Variants in NF1 observed in about 807,000 individuals in gnomAD.
The protein encoded by NF1 is neurofibromin 1.
A neutral mutation model predicts 325.7 loss-of-function variants in NF1; 122 were observed. The observed-to-expected ratio is 0.37, with a 90% confidence interval of 0.32 to 0.44. The LOEUF is 0.44. Ranked by LOEUF, NF1 falls within the 20% of genes least tolerant of loss-of-function variation. NF1 has a pLI of 1.00. For missense variants in NF1, 2,140 were observed against 3,415.4 expected (o/e 0.63, Z 9.31); for synonymous variants, 1,091 against 1,186.0 (o/e 0.92, Z 1.65).
In NF1 at chr17:31,095,199, C is replaced by T. The variant is rs1385975552; in HGVS notation, c.-111C>T. On this transcript the variant is annotated 5_prime_UTR_variant, in exon 1 of 58. Coordinates refer to ENST00000358273, the MANE Select transcript of NF1 (RefSeq NM_001042492.3). ...GGGAACACTGGGAGCCTGCACTCCA[C>T]AGACCCTCTCCTTGCCTCTTCCCTC... 3.0e-6 allele frequency: 3 copies of T among 1,007,208 alleles called. No homozygotes were observed. The highest frequency in any genetic ancestry group is 3.0e-6 in the Non-Finnish European group (2 of 665,940). 62.4% of individuals were successfully genotyped at this position (1,007,208 alleles called of 1,614,324 possible).
At chr17:31,283,649 T>C (rs902128953) in intron 36 of NF1, among the ~76,000 whole-genome samples, 1 of 151,942 alleles carries the variant, frequency 6.6e-6, no homozygotes, top group Non-Finnish European at 1.5e-5. Context: ...AGAAACACCA[T>C]GTCTAGCTGA....
In NF1 at chr17:31,357,295, T is replaced by C. The variant is rs1277560744; in HGVS notation, c.7896T>C (p.Asp2632=). The change falls in exon 54 of 58, where the codon GAT becomes GAC. Residue 2632 remains aspartate, a synonymous_variant. Coordinates refer to ENST00000358273, the MANE Select transcript of NF1 (RefSeq NM_001042492.3). ...VLATLVKYTT[D]EFDQRILYEY... is the part of the protein sequence containing the mutation. ...CTACACTGGTAAAATATACCACAGA[T>C]GAGTTTGATCAACGAATTCTTTATG... 6.2e-7 allele frequency: 1 copy of C among 1,614,058 alleles called. No homozygotes were observed.
chr17:31,171,279 A>G (rs1018484275), intron 5 of NF1, among the ~76,000 whole-genome samples: 11 of 152,328 alleles, frequency 7.2e-5, no homozygotes, highest in African/African-American at 1.7e-4. Context: ...GTGGACAGCA[A>G]TTATTTTAGA....
intron 36 of NF1, among the ~76,000 whole-genome samples, chr17:31,278,972 C>G (rs2068067152): frequency 6.6e-6 from 1 of 152,174 alleles, no homozygotes; most frequent in Non-Finnish European, 1.5e-5. Context: ...GCTTCAGTGG[C>G]TCATGCCTAT....
chr17:31,125,694 C>T (rs1312828088), intron 1 of NF1, among the ~76,000 whole-genome samples: 1 of 151,826 alleles, frequency 6.6e-6, no homozygotes, highest in Non-Finnish European at 1.5e-5. Context: ...GAGCACCATG[C>T]CCAGCTAATT....
chr17:31,218,129 A>G (rs189697706), intron 13 of NF1, among the ~76,000 whole-genome samples: 106 of 152,320 alleles, frequency 7.0e-4, no homozygotes, highest in Non-Finnish European at 4.3e-4. Context: ...AGAGGGCTGT[A>G]CAGGATAATC....
intron 36 of NF1, chr17:31,299,552 G>T (rs907087983): frequency 6.6e-6 from 1 of 151,948 alleles, no homozygotes; most frequent in African/African-American, 2.4e-5. Context: ...CAAAGCATCT[G>T]CCAAGGAATA....
Position 31,260,566 on chromosome 17 carries a change from A to G in NF1, c.4577+51A>G, listed in dbSNP as rs368218046. ...GTGAACACTCTCCGTTTAAATTTAGATTAATACAATTATTGGTCATGAATA... is the reference window on the plus strand; with the variant it reads ...GTGAACACTCTCCGTTTAAATTTAGGTTAATACAATTATTGGTCATGAATA... On this transcript the variant is annotated intron_variant, in intron 34 of 57. Transcript: ENST00000358273. 6 of 1,591,234 alleles carry G rather than the reference A, an allele frequency of 3.8e-6. No homozygotes were observed. The African/African-American group carries it at 5.4e-5, about 14-fold the overall frequency.
intron 29 of NF1, among the ~76,000 whole-genome samples, chr17:31,243,184 CTGTGTG>C (rs377472053): frequency 7.3e-6 from 1 of 137,558 alleles, no homozygotes; most frequent in Non-Finnish European, 1.5e-5. Context: ...CTCTCTCTGT[CTGTGTG>C]TGTGTGTGTG....
intron 3 of NF1, among the ~76,000 whole-genome samples, chr17:31,159,992 A>G (rs1279529900): frequency 6.6e-6 from 1 of 152,170 alleles, no homozygotes; most frequent in African/African-American, 2.4e-5. Flanking sequence ...GTGTTGGTGG[A>G]AGCATTGGGG....
chr17:31,130,735 G>A (rs1418437640), intron 1 of NF1, among the ~76,000 whole-genome samples: 5 of 152,208 alleles, frequency 3.3e-5, no homozygotes, highest in Non-Finnish European at 7.4e-5. Flanking sequence ...GCTGGCTGCA[G>A]TGGCATGGGA....
chr17:31,318,304 T>A (rs2069077635), intron 36 of NF1: 2 of 1,600,774 alleles, frequency 1.2e-6, no homozygotes, highest in East Asian at 4.5e-5. Context: ...TTTTCTTCAC[T>A]AACCTATCTG....
intron 1 of NF1, among the ~76,000 whole-genome samples, chr17:31,107,141 C>T (rs959300318): frequency 1.3e-5 from 2 of 151,870 alleles, no homozygotes; most frequent in African/African-American, 2.4e-5. Flanking sequence ...CTGTCTTTAT[C>T]GGTGCCTTCT....
intron 3 of NF1, among the ~76,000 whole-genome samples, chr17:31,161,067 TAAG>T (rs1347971050): frequency 3.9e-5 from 6 of 152,202 alleles, no homozygotes; most frequent in African/African-American, 1.2e-4. Flanking sequence ...TGAGGCAGTT[TAAG>T]AAGAACGGAG....
chr17:31,370,686 T>C (rs1301229525), intron 57 of NF1, among the ~76,000 whole-genome samples: 1 of 152,152 alleles, frequency 6.6e-6, no homozygotes, highest in African/African-American at 2.4e-5. Flanking sequence ...TTGCCACCCA[T>C]GTCATGACTG....
chr17:31,130,182 C>G (rs531812945), intron 1 of NF1, among the ~76,000 whole-genome samples: 1 of 150,818 alleles, frequency 6.6e-6, no homozygotes, highest in East Asian at 2.0e-4. Context: ...GGGCTCATCT[C>G]AGGACTCCCG....
rs2151557749 is a variant in NF1, at chr17:31,337,935, G to A, written c.6704+55G>A. On this transcript the variant is annotated intron_variant, in intron 44 of 57. Coordinates refer to ENST00000358273, the MANE Select transcript of NF1 (RefSeq NM_001042492.3). The stretch of plus-strand genomic sequence containing the variant: ...AAATATGCATATTGTTGAAAATACA[G>A]CTATTACTGTATGATCAATGTTATA... 3.9e-6 allele frequency: 6 copies of A among 1,549,406 alleles called. No individual in the cohort carries two copies. The East Asian group carries it at 1.1e-4, about 30-fold the overall frequency.
intron 1 of NF1, among the ~76,000 whole-genome samples, chr17:31,100,712 G>A (rs750587480): frequency 6.6e-6 from 1 of 152,118 alleles, no homozygotes; most frequent in Non-Finnish European, 1.5e-5. Context: ...TGGGACTACA[G>A]GCGCATGCCA....
intron 57 of NF1, among the ~76,000 whole-genome samples, chr17:31,373,153 T>G (rs774327675): frequency 3.3e-5 from 5 of 152,224 alleles, no homozygotes; most frequent in Non-Finnish European, 7.3e-5. Context: ...GATTCTACAG[T>G]ATGACCTTTG....
Sources: gnomAD v4.1 joint callset for allele counts (sites outside exome capture counted in the v4.1 genomes callset) on GRCh38, gnomAD v4.1.1 for gene constraint, MANE v1.5 for transcripts, NCBI Gene and HGNC (gene_info 2026-07-23, HGNC 2026-07-21) for gene names.